Variants in FAM98B observed in about 807,000 individuals in gnomAD.
FAM98B encodes the protein tRNA-splicing ligase complex subunit FAM98B.
FAM98B carries 32 observed loss-of-function variants against 43.9 expected under a neutral mutation model. That is an observed-to-expected ratio of 0.73 (90% CI 0.55 to 0.98). The LOEUF is 0.98. FAM98B is among the 50% of genes least tolerant of loss of function. The pLI is 0.00. For missense variants in FAM98B, 514 were observed against 522.9 expected (o/e 0.98, Z 0.17); for synonymous variants, 190 against 174.0 (o/e 1.09, Z -0.72).
chr15:38,469,625 T>TA (rs1595800170), intron 3 of FAM98B, among the ~76,000 whole-genome samples: 3 of 152,228 alleles, frequency 2.0e-5, no homozygotes, highest in African/African-American at 7.2e-5. Context: ...GACATGTACT[T>TA]ACTGAAATAG....
chr15:38,471,877 T>C (rs1413214403), intron 4 of FAM98B, among the ~76,000 whole-genome samples: 3 of 152,174 alleles, frequency 2.0e-5, no homozygotes, highest in African/African-American at 4.8e-5. Flanking sequence ...TTACATGTAA[T>C]AACTCACTTA....
chr15:38,466,081 G>T (rs1467321911), intron 3 of FAM98B, among the ~76,000 whole-genome samples: 1 of 151,844 alleles, frequency 6.6e-6, no homozygotes. Flanking sequence ...TATTATTGAA[G>T]ATTTCTATTT....
At chr15:38,470,427 C>T (rs562059447) in intron 4 of FAM98B, 22 bp downstream of exon 4, 3 of 1,563,490 alleles carry the variant, frequency 1.9e-6, no homozygotes, top group African/African-American at 2.8e-5. Context: ...GTTTTATTTT[C>T]CCCAAAATTC....
Position 38,454,200 on chromosome 15 carries a change from G to T in FAM98B, c.39G>T (p.Glu13Asp). 6.2e-7 allele frequency: 1 copy of T among 1,604,424 alleles called. No individual in the cohort carries two copies. Among genetic ancestry groups the T allele is most frequent in the South Asian group, 1.1e-5 (1 of 88,284 alleles). ...GPEPGPQPTM[E>D]GDVLDTLEAL... ...AGCCGGGTCCCCAACCGACGATGGA[G>T]GGAGACGTGCTGGACACACTGGAGG... Residue 13 changes from glutamate (E) to aspartate (D), a missense_variant, in exon 1 of 8, where the codon GAG becomes GAT. Around this residue, in one of 2 missense-constraint regions of FAM98B, gnomAD observed 469 missense variants for 451.8 expected, o/e 1.04. Transcript: ENST00000397609.
In FAM98B at chr15:38,484,636, G is replaced by A. The variant is rs868127628; in HGVS notation, c.1279G>A (p.Gly427Arg). 6.6e-7 allele frequency: 1 copy of A among 1,516,984 alleles called. No homozygotes were observed. The highest frequency in any genetic ancestry group is 8.8e-7 in the Non-Finnish European group (1 of 1,137,778). 94.0% of individuals were successfully genotyped at this position (1,516,984 alleles called of 1,614,324 possible). ...TGGTGGTGGTGGTGGTGGTGGTGGAGGAGGTGGATATAGAAGATACTAAAA... is the reference window on the plus strand; with the variant it reads ...TGGTGGTGGTGGTGGTGGTGGTGGAAGAGGTGGATATAGAAGATACTAAAA... ...GGGGGGGGGG[G>R]GGYRRY The change falls in exon 8 of 8, where the codon GGA becomes AGA. Residue 427 changes from glycine (G) to arginine (R), a missense_variant. By Grantham distance (125) the Gly-to-Arg change is moderately radical (BLOSUM62 -2). This residue lies in a region of FAM98B where 45 missense variants were observed against 71.1 expected (regional missense o/e 0.63). Transcript: ENST00000397609.
intron 1 of FAM98B, among the ~76,000 whole-genome samples, chr15:38,458,101 C>T (rs931617282): frequency 1.2e-4 from 19 of 152,034 alleles, no homozygotes; most frequent in Non-Finnish European, 2.2e-4. Flanking sequence ...GAGCTCAGTA[C>T]CCAACCTTGG....
chr15:38,467,822 A>G (rs1171489448), intron 3 of FAM98B, among the ~76,000 whole-genome samples: 2 of 152,248 alleles, frequency 1.3e-5, no homozygotes, highest in Non-Finnish European at 2.9e-5. Flanking sequence ...TAATAGGAAG[A>G]ATGCAGATAA....
At chr15:38,484,200 T>C (rs2141063753) in intron 7 of FAM98B, 55 bp from the exon 8 acceptor site, 1 of 1,508,666 alleles carries the variant, frequency 6.6e-7, no homozygotes, top group Non-Finnish European at 9.0e-7. Flanking sequence ...CTTGAAACTT[T>C]TATGTAAACT....
Position 38,484,240 on chromosome 15 carries a change from T to C in FAM98B, c.898-15T>C. On this transcript the variant is annotated splice_polypyrimidine_tract_variant and intron_variant, in intron 7 of 7. Coordinates refer to ENST00000397609, the MANE Select transcript of FAM98B (RefSeq NM_173611.4). ...TGAAATATTAGGAACTAAAAGAAAATGTTTCTTCACACAGGTGCTGATGGG... is the reference window on the plus strand; with the variant it reads ...TGAAATATTAGGAACTAAAAGAAAACGTTTCTTCACACAGGTGCTGATGGG... 6.5e-7 allele frequency: 1 copy of C among 1,543,294 alleles called. No individual in the cohort carries two copies. The highest frequency in any genetic ancestry group is 8.7e-7 in the Non-Finnish European group (1 of 1,143,884).
chr15:38,461,773 T>A (rs541628444), intron 1 of FAM98B, among the ~76,000 whole-genome samples: 2 of 152,250 alleles, frequency 1.3e-5, no homozygotes, highest in South Asian at 4.1e-4. Context: ...GATAAAACTA[T>A]ACTGAGTTAC....
rs771142603 is a variant in FAM98B at position 38,464,196 on chromosome 15, A to G, written c.217+19A>G. On this transcript the variant is annotated intron_variant, in intron 2 of 7. Transcript: ENST00000397609. Reference sequence around the variant, plus strand: ...TCTGCTGGTATTGCCATTATGTTGTATTTACTTTTCTGTTTAATAGTAAAC... The same window carrying G: ...TCTGCTGGTATTGCCATTATGTTGTGTTTACTTTTCTGTTTAATAGTAAAC... 3.8e-6 allele frequency: 6 copies of G among 1,596,240 alleles called. No homozygotes were observed. Among genetic ancestry groups the G allele is most frequent in the Non-Finnish European group, 5.1e-6 (6 of 1,169,906 alleles).
At chr15:38,457,344 T>G (rs1889864650) in intron 1 of FAM98B, among the ~76,000 whole-genome samples, 1 of 152,180 alleles carries the variant, frequency 6.6e-6, no homozygotes, top group Non-Finnish European at 1.5e-5. Context: ...TGGTATTTAT[T>G]GAGCACCAAA....
intron 4 of FAM98B, among the ~76,000 whole-genome samples, chr15:38,473,141 A>T (rs1432025093): frequency 6.6e-6 from 1 of 152,124 alleles, no homozygotes; most frequent in Non-Finnish European, 1.5e-5. Flanking sequence ...GTGCTGGTTA[A>T]AGGTTTTAGT....
intron 1 of FAM98B, chr15:38,459,045 G>T (rs890472830): frequency 8.7e-6 from 3 of 345,810 alleles, no homozygotes; most frequent in Admixed American, 3.6e-5. Context: ...ATCCGTCACA[G>T]GGTTGGCATA....
chr15:38,464,063 C>A lies in FAM98B; in HGVS notation c.103C>A (p.Leu35Ile). The change falls in exon 2 of 8, where the codon CTT (leucine) becomes ATT (isoleucine). Residue 35 changes from leucine (L) to isoleucine (I), a missense_variant. Around this residue, in one of 2 missense-constraint regions of FAM98B, gnomAD observed 469 missense variants for 451.8 expected, o/e 1.04. Transcript: ENST00000397609. ...YKGPLLEEQA[L>I]TKAAEGGLSS... ...AGGACCATTGTTAGAAGAGCAAGCC[C>A]TTACAAAGGCGGCAGAGGGTGGATT... 6.2e-7 allele frequency: 1 copy of A among 1,612,730 alleles called. No individual in the cohort carries two copies. The highest frequency in any genetic ancestry group is 8.5e-7 in the Non-Finnish European group (1 of 1,179,320).
intron 6 of FAM98B, among the ~76,000 whole-genome samples, chr15:38,477,986 C>A (rs564270508): frequency 6.6e-6 from 1 of 152,234 alleles, no homozygotes; most frequent in African/African-American, 2.4e-5. Context: ...TGTTGGGTCT[C>A]CAGTTTAACC....
chr15:38,481,618 T>C, intron 7 of FAM98B, 159 bp downstream of exon 7: 1 of 1,575,096 alleles, frequency 6.3e-7, no homozygotes. Flanking sequence ...TTTTTGTGTA[T>C]GTGTGTATGT....
intron 4 of FAM98B, among the ~76,000 whole-genome samples, chr15:38,472,632 C>T (rs1279271891): frequency 2.6e-5 from 4 of 152,050 alleles, no homozygotes; most frequent in Non-Finnish European, 5.9e-5. Flanking sequence ...CCATCACCCT[C>T]AGAAGAAACC....
chr15:38,474,004 T>G (rs1447313686), intron 5 of FAM98B, among the ~76,000 whole-genome samples, 178 bp from the exon 6 acceptor site: 1 of 152,224 alleles, frequency 6.6e-6, no homozygotes, highest in African/African-American at 2.4e-5. Flanking sequence ...ATCATAAATG[T>G]TCTTTCAATT....
Sources: gnomAD v4.1 joint callset for allele counts (sites outside exome capture counted in the v4.1 genomes callset) on GRCh38, gnomAD v4.1.1 for gene constraint, gnomAD v4.1.1 regional missense constraint, MANE v1.5 for transcripts, NCBI Gene and HGNC (gene_info 2026-07-23, HGNC 2026-07-21) for gene names.